The following MUC17 variants were observed in gnomAD, a reference collection of about 807,000 sequenced individuals.
MUC17 encodes the protein mucin 17, cell surface associated, also known as mucin-17.
In MUC17, 190 loss-of-function variants were observed where a neutral mutation model predicts 170.3. That is an observed-to-expected ratio of 1.12 (90% CI 0.99 to 1.26). The LOEUF is 1.26. Among genes scored for constraint, MUC17 ranks in the 50% most tolerant of loss-of-function variants. The pLI, the probability that MUC17 is intolerant of heterozygous loss-of-function variation, is 0.00. For missense variants in MUC17, 6,415 were observed against 5,530.0 expected (o/e 1.16, Z -5.08); for synonymous variants, 2,325 against 2,002.5 (o/e 1.16, Z -4.30).
chr7:101,041,323 A>G lies in MUC17; in HGVS notation c.9907A>G (p.Thr3303Ala). Residue 3303 changes from threonine to alanine, a missense_variant, in exon 3 of 13, where the codon ACA (threonine) becomes GCA (alanine). Coordinates refer to ENST00000306151, the MANE Select transcript of MUC17 (RefSeq NM_001040105.2). ...CAGTTCTGAAACGAGCACCCTTTCA[A>G]CAACTCCTGCTGACACCAGCACACC... is the stretch of plus-strand genomic sequence containing the variant. ...VASSETSTLS[T>A]TPADTSTPVT... 6.2e-6 allele frequency: 10 copies of G among 1,609,554 alleles called. No homozygotes were observed. Among genetic ancestry groups the G allele is most frequent in the Non-Finnish European group, 8.5e-6 (10 of 1,177,850 alleles).
Position 101,040,299 on chromosome 7 carries a change from T to C in MUC17, c.8883T>C (p.Thr2961=). The C allele has an allele frequency of 6.2e-7, 1 of 1,611,816 alleles. No homozygotes were observed. Among genetic ancestry groups the C allele is most frequent in the Non-Finnish European group, 8.5e-7 (1 of 1,179,022 alleles). Residue 2961 remains threonine, a synonymous_variant, in exon 3 of 13, where the codon ACT becomes ACC. Coordinates refer to ENST00000306151, the MANE Select transcript of MUC17 (RefSeq NM_001040105.2). ...TPVDTRTPVT[T]SAEASSSPTT... Reference sequence around the variant, plus strand: ...TTGACACCAGGACACCTGTCACCACTTCTGCTGAAGCTAGTTCTTCTCCTA... The same window carrying C: ...TTGACACCAGGACACCTGTCACCACCTCTGCTGAAGCTAGTTCTTCTCCTA...
At position 101,039,133 on chromosome 7, in the gene MUC17, A is replaced by G. The variant is rs769898732; in HGVS notation, c.7717A>G (p.Ser2573Gly). The change falls in exon 3 of 13, where the codon AGC (serine) becomes GGC (glycine). Residue 2573 changes from serine to glycine, a missense_variant. Ser to Gly is a moderately conservative substitution (Grantham distance 56). Coordinates refer to ENST00000306151, the MANE Select transcript of MUC17 (RefSeq NM_001040105.2). ...GCCTACCTCAACTTATAGTGAAGGA[A>G]GCACTCCATTAAGAAGTATGCCTGT... ...SMPTSTYSEG[S>G]TPLRSMPVST... 7 of 1,613,870 alleles carry G rather than the reference A, an allele frequency of 4.3e-6. No individual in the cohort carries two copies. Among genetic ancestry groups the G allele is most frequent in the South Asian group, 1.1e-5 (1 of 91,062 alleles).
At position 101,058,314 on chromosome 7, in the gene MUC17, C is replaced by T; in HGVS notation, c.*270C>T. ...AAGACGCTCCAGATTTGAGGGTACT[C>T]TGACTGCAACATCTTTCACCCCATT... On this transcript the variant is annotated 3_prime_UTR_variant, in exon 13 of 13. Transcript: ENST00000306151. 1 of 323,434 alleles carries T rather than the reference C, an allele frequency of 3.1e-6. No homozygotes were observed. Among genetic ancestry groups the T allele is most frequent in the Non-Finnish European group, 5.7e-6 (1 of 175,048 alleles). The allele number at this position is 323,434 out of a possible 1,614,324, so 20.0% of individuals were successfully genotyped here.
chr7:101,052,985 G>A lies in MUC17; in HGVS notation c.13104-1G>A, dbSNP rs35547232. 9 of 1,611,924 alleles carry A rather than the reference G, an allele frequency of 5.6e-6. No homozygotes were observed. The highest frequency in any genetic ancestry group is 6.8e-6 in the Non-Finnish European group (8 of 1,178,828). ...AACCTGCCGCTTCTCTCCCATCTCA[G>A]CTGCGTGACCACGGAAACTCACTGG... is the stretch of plus-strand genomic sequence containing the variant. On this transcript the variant is annotated splice_acceptor_variant, in intron 9 of 12. Transcript: ENST00000306151. LOFTEE classifies it high-confidence loss of function.
intron 11 of MUC17, among the ~76,000 whole-genome samples, chr7:101,055,910 A>G (rs765942674): frequency 3.4e-4 from 52 of 152,238 alleles, no homozygotes; most frequent in Non-Finnish European, 6.5e-4. Flanking sequence ...GTGTCTAAAT[A>G]ATGTATGGAT....
intron 1 of MUC17, among the ~76,000 whole-genome samples, chr7:101,022,603 T>G (rs1009701003): frequency 6.6e-6 from 1 of 152,218 alleles, no homozygotes; most frequent in Non-Finnish European, 1.5e-5. Flanking sequence ...GTTGGAAGGA[T>G]CACTTGAGCC....
Position 101,040,092 on chromosome 7 carries a change from T to TC in MUC17, c.8678dup (p.Val2894CysfsTer2). 1 of 1,612,454 alleles carries TC rather than the reference T, an allele frequency of 6.2e-7. No individual in the cohort carries two copies. Among genetic ancestry groups the TC allele is most frequent in the Non-Finnish European group, 8.5e-7 (1 of 1,179,436 alleles). On this transcript the variant is annotated frameshift_variant, in exon 3 of 13. Coordinates refer to ENST00000306151, the MANE Select transcript of MUC17 (RefSeq NM_001040105.2). LOFTEE classifies it high-confidence loss of function. ...CTGAGGCTAGCACCCTTTCAACAACTCCTGTTGATACCAGCATACCTGTCA... is the reference window on the plus strand; with the variant it reads ...CTGAGGCTAGCACCCTTTCAACAACTCCCTGTTGATACCAGCATACCTGTCA...
chr7:101,034,305 A>G lies in MUC17; in HGVS notation c.2889A>G (p.Ser963=), dbSNP rs189731103. The change falls in exon 3 of 13, where the codon TCA becomes TCG. Residue 963 remains serine, a synonymous_variant. Coordinates refer to ENST00000306151, the MANE Select transcript of MUC17 (RefSeq NM_001040105.2). ...TPVTTSTEAT[S]SPTTAEGTSI... ...TGACCACTTCTACTGAAGCCACTTC[A>G]TCTCCTACAACTGCTGAAGGTACCA... is the stretch of plus-strand genomic sequence containing the variant. The G allele has an allele frequency of 0.073, 105,286 of 1,433,882 alleles. No homozygotes were observed. The highest frequency in any genetic ancestry group is 0.22 in the African/African-American group (14,327 of 64,616). 88.8% of individuals were successfully genotyped at this position (1,433,882 alleles called of 1,614,324 possible).
Position 101,031,668 on chromosome 7 carries a change from T to TTG in MUC17, c.253_254dup (p.Ser86AlafsTer7). The TTG allele has an allele frequency of 1.3e-6, 2 of 1,585,588 alleles. No homozygotes were observed. Among genetic ancestry groups the TTG allele is most frequent in the Non-Finnish European group, 1.7e-6 (2 of 1,165,258 alleles). ...TCGTGGAGCCAAGAATGTATTTGAG[T>TTG]TGCAGCACCAACCCTGAGATGACCT... On this transcript the variant is annotated frameshift_variant, in exon 3 of 13. Coordinates refer to ENST00000306151, the MANE Select transcript of MUC17 (RefSeq NM_001040105.2). LOFTEE classifies it high-confidence loss of function.
intron 11 of MUC17, among the ~76,000 whole-genome samples, 193 bp from the exon 12 acceptor site, chr7:101,056,001 T>A (rs1194023657): frequency 6.6e-6 from 1 of 152,240 alleles, no homozygotes; most frequent in Non-Finnish European, 1.5e-5. Context: ...AGAAAATTCA[T>A]AGCCTTAATA....
intron 6 of MUC17, among the ~76,000 whole-genome samples, chr7:101,049,747 G>C (rs1413047099): frequency 6.6e-6 from 1 of 152,036 alleles, no homozygotes; most frequent in South Asian, 2.1e-4. Context: ...CTACACTAAT[G>C]ACCTCATTTT....
intron 11 of MUC17, chr7:101,053,741 A>G (rs182608882): frequency 0.02 from 3,747 of 183,968 alleles, 57 homozygotes; most frequent in Middle Eastern, 0.027. Context: ...TTAGCTGGGC[A>G]TGGTGGCAGG....
In MUC17 at chr7:101,041,502, A is replaced by G. The variant is rs1436619259; in HGVS notation, c.10086A>G (p.Thr3362=). ...VVSSEASTLS[T]TPVDTSTPVT... ...GTTCTGAGGCTAGCACCCTTTCCAC[A>G]ACTCCTGTTGACACCAGCACACCTG... The change falls in exon 3 of 13, where the codon ACA becomes ACG. Residue 3362 remains threonine (T), a synonymous_variant. Coordinates refer to ENST00000306151, the MANE Select transcript of MUC17 (RefSeq NM_001040105.2). The G allele has an allele frequency of 1.9e-6, 3 of 1,613,550 alleles. No homozygotes were observed. Among genetic ancestry groups the G allele is most frequent in the East Asian group, 2.2e-5 (1 of 44,820 alleles).
chr7:101,036,016 C>T lies in MUC17; in HGVS notation c.4600C>T (p.Leu1534Phe). 1.9e-6 allele frequency: 3 copies of T among 1,611,962 alleles called. No homozygotes were observed. The highest frequency in any genetic ancestry group is 2.5e-6 in the Non-Finnish European group (3 of 1,178,698). ...AGTGGCCAGTTCTGAAATCAACAGC[C>T]TTTCAACAACTCCTGCTGTCACCAG... ...TTVASSEINS[L>F]STTPAVTSTP... Residue 1534 changes from leucine to phenylalanine, a missense_variant, in exon 3 of 13, where the codon CTT becomes TTT. Leu to Phe is a conservative substitution (Grantham distance 22). Transcript: ENST00000306151.
chr7:101,048,131 G>C lies in MUC17; in HGVS notation c.12535+16G>C, dbSNP rs763200577. The stretch of plus-strand genomic sequence containing the variant: ...ATTGACATAGGTGAGTGCAACCCCA[G>C]GCCTTCCCCCACCCCATGCCCTGGG... On this transcript the variant is annotated intron_variant, in intron 4 of 12. Transcript: ENST00000306151. 3 of 1,554,326 alleles carry C rather than the reference G, an allele frequency of 1.9e-6. No individual in the cohort carries two copies. The Admixed American group carries it at 5.8e-5, about 30-fold the overall frequency.
At position 101,039,727 on chromosome 7, in the gene MUC17, G is replaced by A. The variant is rs553466928; in HGVS notation, c.8311G>A (p.Val2771Ile). The A allele has an allele frequency of 6.5e-5, 101 of 1,561,324 alleles. 2 individuals carry two copies. Among genetic ancestry groups the A allele is most frequent in the Non-Finnish European group, 8.1e-5 (94 of 1,153,718 alleles). Residue 2771 changes from valine (V) to isoleucine (I), a missense_variant, in exon 3 of 13, where the codon GTT becomes ATT. Physicochemically the swap from Val to Ile is conservative, Grantham distance 29. Transcript: ENST00000306151. ...AGTGGCCAGTTCTGAGGCTAGCACC[G>A]TTTCAACAACTGCTGTTGACACCAG... Reference protein sequence around the residue: ...LPVASSEASTVSTTAVDTSIP... With the variant: ...LPVASSEASTISTTAVDTSIP...
Position 101,038,102 on chromosome 7 carries a change from C to T in MUC17, c.6686C>T (p.Thr2229Ile), listed in dbSNP as rs2116437201. The change falls in exon 3 of 13, where the codon ACC (threonine) becomes ATC (isoleucine). Residue 2229 changes from threonine (T) to isoleucine (I), a missense_variant. By Grantham distance (89) the Thr-to-Ile change is moderately conservative (BLOSUM62 -1). Coordinates refer to ENST00000306151, the MANE Select transcript of MUC17 (RefSeq NM_001040105.2). ...CCATTCACAAGTATGCCTGTCAGCA[C>T]CATGCCGGTAGTTACTTCTGAGGCT... ...STPFTSMPVS[T>I]MPVVTSEAST... The T allele has an allele frequency of 1.4e-6, 2 of 1,405,900 alleles. No individual in the cohort carries two copies. The highest frequency in any genetic ancestry group is 1.5e-5 in the South Asian group (1 of 65,568). The allele number at this position is 1,405,900 out of a possible 1,614,324, so 87.1% of individuals were successfully genotyped here.
chr7:101,038,957 G>C lies in MUC17; in HGVS notation c.7541G>C (p.Ser2514Thr), dbSNP rs1794589074. The C allele has an allele frequency of 1.2e-6, 2 of 1,613,188 alleles. No homozygotes were observed. Among genetic ancestry groups the C allele is most frequent in the Non-Finnish European group, 8.5e-7 (1 of 1,179,846 alleles). The change falls in exon 3 of 13, where the codon AGT (serine) becomes ACT (threonine). Residue 2514 changes from serine (S) to threonine (T), a missense_variant. Physicochemically the swap from Ser to Thr is moderately conservative, Grantham distance 58 (BLOSUM62 1). Transcript: ENST00000306151. ...VVPISTASEG[S>T]TLLTSIPVST... is the part of the protein sequence containing the mutation. ...CCAATCTCAACTGCTAGTGAAGGAA[G>C]TACTCTATTAACAAGTATACCTGTC...
rs950064841 is a variant in MUC17 at position 101,053,114 on chromosome 7, T to A, written c.13232T>A (p.Met4411Lys). ...LMLIILVALL[M>K]LVFRSKREVK... ...CTGATCATCCTGGTAGCTCTCCTGA[T>A]GCTCGTTTTCCGCTCCAAGAGAGAG... The change falls in exon 10 of 13, where the codon ATG (methionine) becomes AAG (lysine). Residue 4411 changes from methionine (M) to lysine (K), a missense_variant. Transcript: ENST00000306151. 3.1e-6 allele frequency: 5 copies of A among 1,614,030 alleles called. No individual in the cohort carries two copies. In the African/African-American group the frequency reaches 5.3e-5, roughly 17 times the overall value.
Sources: allele counts gnomAD v4.1 joint callset (sites outside exome capture counted in the v4.1 genomes callset), GRCh38; gene constraint gnomAD v4.1.1; transcripts MANE v1.5; gene names NCBI Gene and HGNC (gene_info 2026-07-23, HGNC 2026-07-21).